Variants in RAE1 observed in about 807,000 individuals in gnomAD.
The protein encoded by RAE1 is mRNA export factor RAE1.
Under a neutral mutation model 52.7 loss-of-function variants are expected in RAE1, and 13 were observed. The observed-to-expected ratio is 0.25, with a 90% confidence interval of 0.16 to 0.39. The LOEUF is 0.39. Ranked by LOEUF, RAE1 falls within the 10% of genes least tolerant of loss-of-function variation. The pLI is 1.00. For synonymous variants in RAE1, 164 were observed against 153.1 expected (o/e 1.07, Z -0.52); for missense variants, 262 against 459.8 (o/e 0.57, Z 3.93).
intron 7 of RAE1, 44 bp downstream of exon 7, chr20:57,367,123 CAAAAT>C (rs2066966569): frequency 7.0e-7 from 1 of 1,425,268 alleles, no homozygotes; most frequent in South Asian, 1.3e-5. Context: ...AAAAAAAAAA[CAAAAT>C]AAGTATTCTC....
intron 8 of RAE1, among the ~76,000 whole-genome samples, chr20:57,369,814 G>A (rs983112296): frequency 2.0e-5 from 3 of 152,060 alleles, no homozygotes; most frequent in Non-Finnish European, 4.4e-5. Context: ...CTCTTGCTCA[G>A]AGAAAAAAGA....
chr20:57,365,325 A>G, intron 4 of RAE1, 31 bp from the exon 5 acceptor site: 3 of 1,525,352 alleles, frequency 2.0e-6, no homozygotes, highest in Non-Finnish European at 2.7e-6. Flanking sequence ...AATTTTTCTT[A>G]AAATGCAAAA....
At position 57,378,356 on chromosome 20, in the gene RAE1, G is replaced by A. The variant is rs1470478836; in HGVS notation, c.*257G>A. On this transcript the variant is annotated 3_prime_UTR_variant, in exon 12 of 12. Transcript: ENST00000395841. The stretch of plus-strand genomic sequence containing the variant: ...TTGTAGACGTTAGATTGCGGGCACC[G>A]CCAGGGATTTTGCAGCGCTTCAGTG... 1.4e-5 allele frequency: 6 copies of A among 425,532 alleles called. No homozygotes were observed. The highest frequency in any genetic ancestry group is 5.1e-5 in the South Asian group (1 of 19,616). 26.4% of individuals were successfully genotyped at this position (425,532 alleles called of 1,614,324 possible). A position where few individuals can be genotyped will look rare whatever the true frequency, so the allele number is the denominator to read the frequency against.
chr20:57,367,306 C>G, intron 7 of RAE1, among the ~76,000 whole-genome samples: 1 of 151,966 alleles, frequency 6.6e-6, no homozygotes. Context: ...GTTTTCCTGC[C>G]ACTCGTTTGA....
intron 1 of RAE1, chr20:57,352,122 A>T (rs999468316): frequency 5.9e-6 from 2 of 336,396 alleles, no homozygotes; most frequent in African/African-American, 2.2e-5. Flanking sequence ...GCGTCTGAGG[A>T]GGTGACTTTA....
At chr20:57,360,192 T>C (rs1325453140) in intron 4 of RAE1, among the ~76,000 whole-genome samples, 1 of 152,228 alleles carries the variant, frequency 6.6e-6, no homozygotes, top group African/African-American at 2.4e-5. Context: ...GTGTGCGTGC[T>C]TCATGGCCTT....
rs759065319 is a variant in RAE1, at chr20:57,354,095, C to T, written c.57C>T (p.Gly19=). The part of the protein sequence containing the change: ...GFGTSGTSMF[G]SATTDNHNPM... ...GAACCAGTGGGACCAGCATGTTTGG[C>T]AGTGCAACTACAGACAATCACAATC... Residue 19 remains glycine, a synonymous_variant, in exon 2 of 12, where the codon GGC becomes GGT. Transcript: ENST00000395841. The T allele has an allele frequency of 8.7e-6, 14 of 1,613,898 alleles. No homozygotes were observed. In the African/African-American group the frequency reaches 1.9e-4, roughly 22 times the overall value.
intron 4 of RAE1, among the ~76,000 whole-genome samples, chr20:57,364,346 A>G (rs1372937848): frequency 6.6e-6 from 1 of 152,202 alleles, no homozygotes; most frequent in African/African-American, 2.4e-5. Context: ...TGGGGCTGGC[A>G]TTATGAGATT....
chr20:57,359,374 C>T (rs902717760), intron 4 of RAE1: 6 of 182,372 alleles, frequency 3.3e-5, no homozygotes, highest in Non-Finnish European at 6.8e-5. Flanking sequence ...CTTACATTAA[C>T]ATTACTGCTT....
intron 1 of RAE1, chr20:57,351,697 C>A (rs933745650): frequency 2.0e-6 from 2 of 985,530 alleles, no homozygotes; most frequent in Non-Finnish European, 2.4e-6. Flanking sequence ...GTCCCTCCCC[C>A]TTACACGTCT....
In RAE1 at chr20:57,373,406, T is replaced by C; in HGVS notation, c.643-69T>C. ...AACCTAAACATGGGGTAAAAATGACTTACCTTCACGTTAGTCATGAAATCT... is the reference window on the plus strand; with the variant it reads ...AACCTAAACATGGGGTAAAAATGACCTACCTTCACGTTAGTCATGAAATCT... On this transcript the variant is annotated intron_variant, in intron 8 of 11. Coordinates refer to ENST00000395841, the MANE Select transcript of RAE1 (RefSeq NM_003610.4). 3 of 1,478,146 alleles carry C rather than the reference T, an allele frequency of 2.0e-6. No individual in the cohort carries two copies. The South Asian group carries it at 3.6e-5, about 18-fold the overall frequency. The allele number at this position is 1,478,146 out of a possible 1,614,324, so 91.6% of individuals were successfully genotyped here.
chr20:57,373,369 T>A (rs991899415), intron 8 of RAE1, 106 bp from the exon 9 acceptor site: 9 of 1,056,588 alleles, frequency 8.5e-6, no homozygotes, highest in African/African-American at 1.6e-5. Context: ...TGATTTTTTC[T>A]GGTTCTTCTA....
rs2066941313 is a variant in RAE1 at position 57,365,433 on chromosome 20, G to A, written c.366G>A (p.Gln122=). The A allele has an allele frequency of 1.2e-6, 2 of 1,603,682 alleles. No individual in the cohort carries two copies. The highest frequency in any genetic ancestry group is 1.7e-4 in the Middle Eastern group (1 of 6,028). Residue 122 remains glutamine (Q), a synonymous_variant, in exon 5 of 12, where the codon CAG becomes CAA. Coordinates refer to ENST00000395841, the MANE Select transcript of RAE1 (RefSeq NM_003610.4). ...MWDLSSNQAI[Q]IAQHDAPVKT... ...ACCTCAGCAGTAACCAAGCGATACA[G>A]ATCGCACAGGTAACAGAAGCCTCTG...
Position 57,360,337 on chromosome 20 carries a change from C to T in RAE1, c.288+3799C>T, listed in dbSNP as rs573959347. 6.6e-5 allele frequency among the ~76,000 whole-genome samples: 10 copies of T among 152,232 alleles called. No homozygotes were observed. The South Asian group carries it at 2.1e-3, about 32-fold the overall frequency. On this transcript the variant is annotated intron_variant, in intron 4 of 11. Coordinates refer to ENST00000395841, the MANE Select transcript of RAE1 (RefSeq NM_003610.4). ...TGCCACCTCATGGGCTACACCTTGACCTAACGTTTTTATGTGTATACTTGT... is the reference window on the plus strand; with the variant it reads ...TGCCACCTCATGGGCTACACCTTGATCTAACGTTTTTATGTGTATACTTGT...
At chr20:57,372,319 C>CA (rs111594117) in intron 8 of RAE1, 5,765 of 152,180 alleles carry the variant, frequency 0.038, 152 homozygotes, top group African/African-American at 0.082. Flanking sequence ...TGGTTGAATC[C>CA]AAAAAAAACC....
At chr20:57,369,864 A>G (rs1020831770) in intron 8 of RAE1, among the ~76,000 whole-genome samples, 2 of 152,192 alleles carry the variant, frequency 1.3e-5, no homozygotes, top group Non-Finnish European at 2.9e-5. Flanking sequence ...TGCCAGATCT[A>G]GAAATCTGCC....
intron 3 of RAE1, among the ~76,000 whole-genome samples, chr20:57,355,071 A>T (rs1012940072): frequency 2.6e-5 from 4 of 152,152 alleles, no homozygotes; most frequent in Non-Finnish European, 4.4e-5. Context: ...TTTATTCCCA[A>T]ATCAAATATC....
At position 57,367,049 on chromosome 20, in the gene RAE1, A is replaced by G. The variant is rs2066964804; in HGVS notation, c.504A>G (p.Gln168=). The part of the protein sequence containing the change: ...TRSSNPMMVL[Q]LPERCYCADV... Reference sequence around the variant, plus strand: ...CGTCAAATCCTATGATGGTTTTGCAACTCCCTGAAAGGTGTTACTGTGCTG... The same window carrying G: ...CGTCAAATCCTATGATGGTTTTGCAGCTCCCTGAAAGGTGTTACTGTGCTG... Residue 168 remains glutamine (Q), a synonymous_variant, in exon 7 of 12, where the codon CAA becomes CAG. Transcript: ENST00000395841. 2 of 1,608,144 alleles carry G rather than the reference A, an allele frequency of 1.2e-6. No individual in the cohort carries two copies. Among genetic ancestry groups the G allele is most frequent in the Non-Finnish European group, 1.7e-6 (2 of 1,174,720 alleles).
chr20:57,374,146 C>T (rs1300236483), intron 10 of RAE1, among the ~76,000 whole-genome samples: 1 of 152,218 alleles, frequency 6.6e-6, no homozygotes, highest in Non-Finnish European at 1.5e-5. Flanking sequence ...TCCCAAAGTG[C>T]TGGGATTACA....
Sources: allele counts gnomAD v4.1 joint callset (sites outside exome capture counted in the v4.1 genomes callset), GRCh38; gene constraint gnomAD v4.1.1; transcripts MANE v1.5; gene names NCBI Gene and HGNC (gene_info 2026-07-23, HGNC 2026-07-21).